VWA8: variants seen among roughly 807,000 people sequenced by gnomAD.
VWA8 encodes von Willebrand factor A domain containing 8.
Under a neutral mutation model 241.5 loss-of-function variants are expected in VWA8, and 221 were observed. That is an observed-to-expected ratio of 0.91 (90% CI 0.82 to 1.02). The LOEUF (loss-of-function observed/expected upper bound fraction) is 1.02. Among genes scored for constraint, VWA8 ranks in the 50% least tolerant of loss-of-function variants. The probability of loss-of-function intolerance (pLI) is 0.00; values close to 1 mark genes in which losing one functional copy is unlikely to be tolerated. For synonymous variants in VWA8, 852 were observed against 827.1 expected, an observed-to-expected ratio of 1.03 and a Z score of -0.52; for missense variants, 2,322 against 2,328.7, an observed-to-expected ratio of 1.00 and a Z score of 0.06.
At chr13:41,653,866 T>C (rs1274990281) in intron 37 of VWA8, among the ~76,000 whole-genome samples, 4 of 152,164 alleles carry the variant, frequency 2.6e-5, no homozygotes, top group South Asian at 2.1e-4. Context: ...ATGCAGAAGA[T>C]TGAAACTGGA....
chr13:41,819,220 T>C lies in VWA8; in HGVS notation c.1867A>G (p.Lys623Glu). The C allele has an allele frequency of 6.2e-7, 1 of 1,600,310 alleles. No homozygotes were observed. Among genetic ancestry groups the C allele is most frequent in the South Asian group, 1.1e-5 (1 of 87,264 alleles). Reference protein sequence around the residue: ...KSEEIQVIKEKVPNVPQEALD... With the variant: ...KSEEIQVIKEEVPNVPQEALD... ...ACTAAGATTGGCTTTCTTCTTACCT[T>C]TTCCTTAATCACTTGGATTTCTTCA... The change falls in exon 15 of 45, where the codon AAG becomes GAG. Residue 623 changes from lysine to glutamate, a missense_variant and splice_region_variant. Physicochemically the swap from Lys to Glu is moderately conservative, Grantham distance 56 (BLOSUM62 1). Transcript: ENST00000379310.
intron 16 of VWA8, among the ~76,000 whole-genome samples, chr13:41,814,611 T>C (rs1046690205): frequency 1.3e-5 from 2 of 151,808 alleles, no homozygotes; most frequent in African/African-American, 2.4e-5. Flanking sequence ...GCAAAGAGAG[T>C]CAATCCCTTA....
At chr13:41,872,659 G>C (rs143617674) in intron 9 of VWA8, among the ~76,000 whole-genome samples, 34,932 of 151,878 alleles carry the variant, frequency 0.23, 4,056 homozygotes, top group East Asian at 0.29. Context: ...CTGTTCCATT[G>C]ATCTATATCT....
intron 21 of VWA8, among the ~76,000 whole-genome samples, chr13:41,754,875 G>A (rs1374466013): frequency 7.2e-6 from 1 of 138,650 alleles, no homozygotes; most frequent in Admixed American, 7.4e-5. Flanking sequence ...TCTGTGCCTG[G>A]CTTATGTCGC....
At chr13:41,755,520 AT>A (rs1316172170) in intron 21 of VWA8, among the ~76,000 whole-genome samples, 6 of 151,778 alleles carry the variant, frequency 4.0e-5, no homozygotes, top group Non-Finnish European at 7.4e-5. Flanking sequence ...CAGTTTAGTA[AT>A]TTTTTTCATA....
At chr13:41,792,875 C>A (rs1422575838) in intron 17 of VWA8, among the ~76,000 whole-genome samples, 1 of 151,902 alleles carries the variant, frequency 6.6e-6, no homozygotes, top group Non-Finnish European at 1.5e-5. Flanking sequence ...TTGATTGTTA[C>A]TGGAGTATAG....
intron 40 of VWA8, among the ~76,000 whole-genome samples, chr13:41,604,763 C>T (rs1235824571): frequency 6.6e-6 from 1 of 152,094 alleles, no homozygotes; most frequent in Non-Finnish European, 1.5e-5. Flanking sequence ...AACACTCAGC[C>T]CCTCCTAAAT....
chr13:41,646,171 G>A (rs980530128), intron 37 of VWA8, among the ~76,000 whole-genome samples: 1 of 151,996 alleles, frequency 6.6e-6, no homozygotes, highest in African/African-American at 2.4e-5. Flanking sequence ...TCCCCATGTT[G>A]GTCAGGCTGG....
chr13:41,578,560 C>G (rs540527452), intron 42 of VWA8, among the ~76,000 whole-genome samples: 24 of 152,286 alleles, frequency 1.6e-4, no homozygotes, highest in African/African-American at 5.3e-4. Context: ...GATGCATACT[C>G]TCATTCATTT....
intron 37 of VWA8, among the ~76,000 whole-genome samples, chr13:41,658,168 GA>G (rs2044922278): frequency 6.6e-6 from 1 of 152,186 alleles, no homozygotes. Flanking sequence ...CAAACTTTCA[GA>G]AACGTTTAGC....
intron 37 of VWA8, among the ~76,000 whole-genome samples, chr13:41,635,818 G>C (rs1298626814): frequency 1.3e-5 from 2 of 151,354 alleles, no homozygotes; most frequent in Non-Finnish European, 2.9e-5. Flanking sequence ...CTTGAAGAAC[G>C]AGTAAGAATT....
intron 9 of VWA8, among the ~76,000 whole-genome samples, chr13:41,871,522 T>C (rs1873613934): frequency 6.6e-6 from 1 of 152,332 alleles, no homozygotes; most frequent in African/African-American, 2.4e-5. Context: ...GTTCTCATTG[T>C]TCCATTCCCA....
At chr13:41,869,883 C>A (rs901264607) in intron 9 of VWA8, among the ~76,000 whole-genome samples, 1 of 151,846 alleles carries the variant, frequency 6.6e-6, no homozygotes, top group African/African-American at 2.4e-5. Context: ...AGAAATTAAC[C>A]CCCAAAATCC....
At chr13:41,906,641 GTTACA>G (rs1392670297) in intron 4 of VWA8, among the ~76,000 whole-genome samples, 1 of 151,964 alleles carries the variant, frequency 6.6e-6, no homozygotes, top group Non-Finnish European at 1.5e-5. Context: ...TTCAAACAAT[GTTACA>G]TTAAACATCC....
intron 21 of VWA8, among the ~76,000 whole-genome samples, chr13:41,749,608 A>G (rs2045638160): frequency 6.6e-6 from 1 of 152,176 alleles, no homozygotes. Context: ...ACCAACCCAA[A>G]TGTCCAACAA....
At chr13:41,730,423 T>C (rs935021199) in intron 22 of VWA8, among the ~76,000 whole-genome samples, 2 of 152,016 alleles carry the variant, frequency 1.3e-5, no homozygotes, top group Middle Eastern at 3.2e-3. Context: ...TCAGGACATT[T>C]AATCTGGTGA....
intron 42 of VWA8, among the ~76,000 whole-genome samples, chr13:41,576,458 C>G (rs1035802522): frequency 6.6e-6 from 1 of 152,124 alleles, no homozygotes; most frequent in Non-Finnish European, 1.5e-5. Context: ...AAACAACAAT[C>G]CATAACATAA....
At chr13:41,596,381 G>A (rs1484165285) in intron 40 of VWA8, among the ~76,000 whole-genome samples, 1 of 151,962 alleles carries the variant, frequency 6.6e-6, no homozygotes, top group East Asian at 1.9e-4. Flanking sequence ...AGTTACTGAA[G>A]GCTGAATAAA....
intron 2 of VWA8, among the ~76,000 whole-genome samples, chr13:41,934,561 A>T (rs1877267032): frequency 6.6e-6 from 1 of 152,114 alleles, no homozygotes; most frequent in Admixed American, 6.5e-5. Context: ...CAACATGTGG[A>T]TATAGAAACA....
Sources: gnomAD v4.1 joint callset for allele counts (sites outside exome capture counted in the v4.1 genomes callset) on GRCh38, gnomAD v4.1.1 for gene constraint, MANE v1.5 for transcripts, NCBI Gene and HGNC (gene_info 2026-07-23, HGNC 2026-07-21) for gene names.